Variants in TMEM62 observed in about 807,000 individuals in gnomAD.
The protein encoded by TMEM62 is transmembrane protein 62.
A neutral mutation model predicts 70.4 loss-of-function variants in TMEM62; 41 were observed. That is an observed-to-expected ratio of 0.58 (90% CI 0.45 to 0.76). The LOEUF (loss-of-function observed/expected upper bound fraction) is 0.76. TMEM62 is among the 30% of genes least tolerant of loss of function. The probability of loss-of-function intolerance (pLI) is 0.00; values close to 1 mark genes in which losing one functional copy is unlikely to be tolerated. For synonymous variants in TMEM62, 268 were observed against 291.0 expected, an observed-to-expected ratio of 0.92 and a Z score of 0.80; for missense variants, 688 against 788.5, an observed-to-expected ratio of 0.87 and a Z score of 1.53.
chr15:43,178,783 A>G, intron 12 of TMEM62, 72 bp downstream of exon 12: 1 of 863,042 alleles, frequency 1.2e-6, no homozygotes, highest in Non-Finnish European at 1.8e-6. Flanking sequence ...ATAGAATTAG[A>G]CTCTTGAGGG....
intron 9 of TMEM62, among the ~76,000 whole-genome samples, chr15:43,159,281 A>G (rs1273854432): frequency 6.6e-6 from 1 of 152,154 alleles, no homozygotes; most frequent in East Asian, 1.9e-4. Context: ...TAAAAGTACA[A>G]TTATTATTGA....
chr15:43,139,314 C>T (rs1433316477), intron 4 of TMEM62, among the ~76,000 whole-genome samples: 6 of 152,164 alleles, frequency 3.9e-5, no homozygotes, highest in Non-Finnish European at 8.8e-5. Context: ...GCTGTTCTCC[C>T]ATCTCTCTCC....
intron 8 of TMEM62, 58 bp downstream of exon 8, chr15:43,152,003 T>C (rs569653919): frequency 1.2e-4 from 170 of 1,365,992 alleles, no homozygotes; most frequent in African/African-American, 1.9e-4. Context: ...GAATAAGTCA[T>C]TGTGATTGCA....
At chr15:43,167,851 C>G (rs1004242472) in intron 10 of TMEM62, among the ~76,000 whole-genome samples, 2 of 152,164 alleles carry the variant, frequency 1.3e-5, no homozygotes, top group Admixed American at 1.3e-4. Flanking sequence ...ACTGAGTGAA[C>G]GAGACTCCGT....
chr15:43,140,668 C>T (rs1036386724), intron 4 of TMEM62, among the ~76,000 whole-genome samples: 6 of 152,216 alleles, frequency 3.9e-5, no homozygotes, highest in Non-Finnish European at 7.3e-5. Context: ...CCAAGATCCA[C>T]ATTGCCCTGG....
intron 10 of TMEM62, among the ~76,000 whole-genome samples, chr15:43,165,500 G>T (rs550471443): frequency 6.6e-6 from 1 of 152,078 alleles, no homozygotes; most frequent in Admixed American, 6.5e-5. Flanking sequence ...TTGGGAGGCC[G>T]AGGTGGGCGG....
chr15:43,162,317 T>C (rs532380251), intron 10 of TMEM62, among the ~76,000 whole-genome samples: 40 of 150,996 alleles, frequency 2.6e-4, no homozygotes, highest in African/African-American at 8.7e-4. Context: ...TTTTTTTTTT[T>C]CAGTAGAGTC....
At chr15:43,174,179 C>G (rs1008153457) in intron 11 of TMEM62, among the ~76,000 whole-genome samples, 6 of 152,212 alleles carry the variant, frequency 3.9e-5, no homozygotes, top group Admixed American at 6.5e-5. Context: ...TGCAGGAACT[C>G]TTGCTTCCTA....
At chr15:43,176,778 G>A (rs367683511) in intron 11 of TMEM62, among the ~76,000 whole-genome samples, 3,299 of 152,130 alleles carry the variant, frequency 0.022, 73 homozygotes, top group Middle Eastern at 0.071. Flanking sequence ...AAAGCAGAGC[G>A]CCTCTCCTCC....
At chr15:43,165,451 A>G (rs2039279587) in intron 10 of TMEM62, among the ~76,000 whole-genome samples, 1 of 152,222 alleles carries the variant, frequency 6.6e-6, no homozygotes, top group East Asian at 1.9e-4. Context: ...CTGTGATAGG[A>G]GGCTGGGTGC....
intron 11 of TMEM62, among the ~76,000 whole-genome samples, chr15:43,171,789 G>A (rs1245314913): frequency 1.3e-5 from 2 of 151,402 alleles, no homozygotes; most frequent in Non-Finnish European, 2.9e-5. Flanking sequence ...CACCACGCCT[G>A]GCTAATTTTT....
chr15:43,178,007 T>TA (rs546631781), intron 11 of TMEM62, among the ~76,000 whole-genome samples: 8 of 150,708 alleles, frequency 5.3e-5, no homozygotes, highest in Non-Finnish European at 5.9e-5. Flanking sequence ...TAATAAAAAT[T>TA]AAAAAAAAAG....
intron 8 of TMEM62, among the ~76,000 whole-genome samples, chr15:43,152,689 C>T (rs966113730): frequency 1.3e-5 from 2 of 152,196 alleles, no homozygotes; most frequent in African/African-American, 4.8e-5. Context: ...ACCACCATGC[C>T]TGGCCATGAA....
chr15:43,133,863 A>C lies in TMEM62; in HGVS notation c.61A>C (p.Met21Leu), dbSNP rs1596165325. ...AGLAAAALVA[M>L]LLEHYGLAGQ... ...GTTGGCGGCCGCAGCGCTGGTGGCC[A>C]TGCTCTTGGAGCACTACGGCCTGGC... Residue 21 changes from methionine to leucine, a missense_variant, in exon 1 of 14, where the codon ATG becomes CTG. Coordinates refer to ENST00000260403, the MANE Select transcript of TMEM62 (RefSeq NM_024956.4). 1.3e-6 allele frequency: 2 copies of C among 1,483,078 alleles called. No homozygotes were observed. Among genetic ancestry groups the C allele is most frequent in the East Asian group, 5.7e-5 (2 of 35,116 alleles). 91.9% of individuals were successfully genotyped at this position (1,483,078 alleles called of 1,614,324 possible). A position where few individuals can be genotyped will look rare whatever the true frequency, so the allele number is the denominator to read the frequency against.
At chr15:43,166,462 T>C (rs546893116) in intron 10 of TMEM62, among the ~76,000 whole-genome samples, 2 of 152,292 alleles carry the variant, frequency 1.3e-5, no homozygotes, top group African/African-American at 4.8e-5. Context: ...GTTTCTAATA[T>C]GTTAAATACA....
At position 43,177,888 on chromosome 15, in the gene TMEM62, C is replaced by T. The variant is rs189242688; in HGVS notation, c.1382-719C>T. ...GGGAGGGATAGCATTAGGAGATATA[C>T]CTAATGCTAAATGACGAGTTAATGG... On this transcript the variant is annotated intron_variant, in intron 11 of 13. Transcript: ENST00000260403. Among the ~76,000 whole-genome samples, 263 of 151,768 alleles carry T rather than the reference C, an allele frequency of 1.7e-3. 3 individuals carry two copies. Among genetic ancestry groups the T allele is most frequent in the African/African-American group, 6.2e-3 (257 of 41,230 alleles).
Position 43,133,784 on chromosome 15 carries a change from G to T in TMEM62, c.-19G>T, listed in dbSNP as rs1214834874. 1.5e-6 allele frequency: 2 copies of T among 1,351,490 alleles called. No homozygotes were observed. The highest frequency in any genetic ancestry group is 3.1e-5 in the African/African-American group (2 of 65,214). 83.7% of individuals were successfully genotyped at this position (1,351,490 alleles called of 1,614,324 possible). On this transcript the variant is annotated 5_prime_UTR_variant, in exon 1 of 14. Transcript: ENST00000260403. ...CCTGCGCGGGATCAGCGAGGGCCGC[G>T]CCCCGGCGGGCGGGCGGCATGGCTG...
At chr15:43,141,303 T>A (rs1162348569) in intron 4 of TMEM62, among the ~76,000 whole-genome samples, 2 of 152,218 alleles carry the variant, frequency 1.3e-5, no homozygotes, top group African/African-American at 4.8e-5. Flanking sequence ...CAATGCCCAC[T>A]TACCATTCTG....
In TMEM62 at chr15:43,173,758, A is replaced by C. The variant is rs138489570; in HGVS notation, c.1381+4081A>C. ...ATCCCTATAGTCCTTTCTCACAATTAATTCTATACTTAATTAGACAGCCAC... is the reference window on the plus strand; with the variant it reads ...ATCCCTATAGTCCTTTCTCACAATTCATTCTATACTTAATTAGACAGCCAC... On this transcript the variant is annotated intron_variant, in intron 11 of 13. Transcript: ENST00000260403. Among the ~76,000 whole-genome samples the C allele has an allele frequency of 2.0e-5, 3 of 151,982 alleles. No homozygotes were observed. In the East Asian group the frequency reaches 5.8e-4, roughly 29 times the overall value.
Sources: allele counts gnomAD v4.1 joint callset (sites outside exome capture counted in the v4.1 genomes callset), GRCh38; gene constraint gnomAD v4.1.1; transcripts MANE v1.5; gene names NCBI Gene and HGNC (gene_info 2026-07-23, HGNC 2026-07-21).